RUNX2: variants seen among roughly 807,000 people sequenced by gnomAD.
RUNX2 encodes the protein RUNX family transcription factor 2.
RUNX2 carries 10 observed loss-of-function variants against 51.7 expected under a neutral mutation model. That is an observed-to-expected ratio of 0.19 (90% CI 0.12 to 0.33). The LOEUF (loss-of-function observed/expected upper bound fraction) is 0.33. Among genes scored for constraint, RUNX2 ranks in the 10% least tolerant of loss-of-function variants. RUNX2 has a pLI of 1.00. For missense variants in RUNX2, 562 were observed against 691.3 expected, an observed-to-expected ratio of 0.81 and a Z score of 2.10; for synonymous variants, 276 against 273.6, an observed-to-expected ratio of 1.01 and a Z score of -0.09.
intron 3 of RUNX2, among the ~76,000 whole-genome samples, chr6:45,429,202 A>G (rs1474005199): frequency 6.6e-6 from 1 of 152,138 alleles, no homozygotes; most frequent in Non-Finnish European, 1.5e-5. Context: ...GTGGGGAAAA[A>G]GTGGAGCCTC....
At chr6:45,356,886 C>A (rs1393728101) in intron 2 of RUNX2, among the ~76,000 whole-genome samples, 1 of 152,160 alleles carries the variant, frequency 6.6e-6, no homozygotes, top group East Asian at 1.9e-4. Flanking sequence ...ATTACACTCA[C>A]CTTTTTTAAT....
intron 5 of RUNX2, 53 bp downstream of exon 5, chr6:45,438,104 T>A: frequency 8.6e-7 from 1 of 1,163,000 alleles, no homozygotes; most frequent in Non-Finnish European, 1.3e-6. Context: ...AGAGACCCTA[T>A]GAGGAATTTA....
At chr6:45,528,887 T>C (rs1385260878) in intron 7 of RUNX2, among the ~76,000 whole-genome samples, 1 of 152,262 alleles carries the variant, frequency 6.6e-6, no homozygotes, top group Middle Eastern at 3.4e-3. Context: ...GACTGAGAAA[T>C]TGGGGCTTAT....
intron 6 of RUNX2, among the ~76,000 whole-genome samples, chr6:45,506,619 T>TA (rs1800975662): frequency 6.6e-6 from 1 of 152,268 alleles, no homozygotes; most frequent in South Asian, 2.1e-4. Flanking sequence ...TTATAGTTTT[T>TA]AAAAAAACAT....
intron 2 of RUNX2, chr6:45,365,318 A>C (rs1794940923): frequency 6.4e-7 from 1 of 1,565,552 alleles, no homozygotes; most frequent in South Asian, 1.1e-5. Context: ...AAAAAGGAGA[A>C]ATAAAGCTTA....
intron 2 of RUNX2, chr6:45,378,075 G>C (rs1797076028): frequency 6.6e-6 from 1 of 152,174 alleles, no homozygotes; most frequent in Non-Finnish European, 1.5e-5. Flanking sequence ...GGTGGCGCGC[G>C]CTCTCCCAGC....
At chr6:45,485,697 G>GTGTGTATATA (rs1219072282) in intron 5 of RUNX2, among the ~76,000 whole-genome samples, 2 of 104,032 alleles carry the variant, frequency 1.9e-5, no homozygotes, top group African/African-American at 7.6e-5. Flanking sequence ...GTGTGTGTGT[G>GTGTGTATATA]TATATATATA....
intron 2 of RUNX2, among the ~76,000 whole-genome samples, chr6:45,339,844 T>C (rs1421883303): frequency 5.3e-5 from 8 of 152,208 alleles, no homozygotes; most frequent in Non-Finnish European, 8.8e-5. Context: ...TATACCTTAA[T>C]TGAAACTGTA....
intron 5 of RUNX2, among the ~76,000 whole-genome samples, chr6:45,478,162 T>G (rs927733741): frequency 2.1e-4 from 32 of 152,228 alleles, no homozygotes; most frequent in African/African-American, 7.2e-4. Flanking sequence ...CTTTGGCTCC[T>G]CTTTGGTTTC....
At chr6:45,376,866 C>CACAG in intron 2 of RUNX2, among the ~76,000 whole-genome samples, 1 of 152,166 alleles carries the variant, frequency 6.6e-6, no homozygotes, top group African/African-American at 2.4e-5. Context: ...TACATATATA[C>CACAG]ACATACATAT....
chr6:45,547,630 A>T lies in RUNX2; in HGVS notation c.*325A>T, dbSNP rs180855207. On this transcript the variant is annotated 3_prime_UTR_variant, in exon 9 of 9. Transcript: ENST00000647337. Reference sequence around the variant, plus strand: ...GTCTGTTATCATCAATAACCTGTTCATATGCCAATTCAGAGAGGTGGACTC... The same window carrying T: ...GTCTGTTATCATCAATAACCTGTTCTTATGCCAATTCAGAGAGGTGGACTC... 90 of 354,536 alleles carry T rather than the reference A, an allele frequency of 2.5e-4. 1 individual carries two copies. Among genetic ancestry groups the T allele is most frequent in the Non-Finnish European group, 3.8e-5 (7 of 186,278 alleles). 22.0% of individuals were successfully genotyped at this position (354,536 alleles called of 1,614,324 possible).
At chr6:45,539,794 T>C (rs1416583149) in intron 7 of RUNX2, among the ~76,000 whole-genome samples, 1 of 152,192 alleles carries the variant, frequency 6.6e-6, no homozygotes, top group African/African-American at 2.4e-5. Flanking sequence ...TACTATAAGG[T>C]AGGATCTGGA....
chr6:45,372,623 T>C (rs1796242326), intron 2 of RUNX2, among the ~76,000 whole-genome samples: 1 of 152,222 alleles, frequency 6.6e-6, no homozygotes, highest in African/African-American at 2.4e-5. Context: ...TTCAACAGCA[T>C]CTTTTCAGTA....
At chr6:45,442,802 G>A (rs1443421504) in intron 5 of RUNX2, among the ~76,000 whole-genome samples, 2 of 152,098 alleles carry the variant, frequency 1.3e-5, no homozygotes, top group African/African-American at 4.8e-5. Context: ...GGCTGGTGCT[G>A]GAACATCCCA....
chr6:45,390,019 A>T (rs1377443613), intron 2 of RUNX2, among the ~76,000 whole-genome samples: 1 of 147,330 alleles, frequency 6.8e-6, no homozygotes, highest in Non-Finnish European at 1.5e-5. Flanking sequence ...AAAAAAAAAA[A>T]GTTATTTCAC....
chr6:45,376,747 C>T (rs1582034565), intron 2 of RUNX2, among the ~76,000 whole-genome samples: 1 of 152,316 alleles, frequency 6.6e-6, no homozygotes, highest in East Asian at 1.9e-4. Flanking sequence ...AGAAATTCCC[C>T]AAGTTTTGTC....
At chr6:45,408,571 C>T (rs1034430595) in intron 2 of RUNX2, among the ~76,000 whole-genome samples, 3 of 151,974 alleles carry the variant, frequency 2.0e-5, no homozygotes, top group African/African-American at 7.2e-5. Flanking sequence ...ATGCCTGTGT[C>T]ATGTAATTTA....
intron 7 of RUNX2, among the ~76,000 whole-genome samples, chr6:45,518,915 C>A (rs900546772): frequency 6.6e-6 from 1 of 152,090 alleles, no homozygotes; most frequent in Non-Finnish European, 1.5e-5. Flanking sequence ...GAAGAGGGGG[C>A]GCAGTTTAAC....
chr6:45,398,302 A>G (rs981454058), intron 2 of RUNX2, among the ~76,000 whole-genome samples: 2 of 152,186 alleles, frequency 1.3e-5, no homozygotes, highest in Admixed American at 1.3e-4. Flanking sequence ...CCTGATCACA[A>G]TAAGTGCTCA....
Sources: allele counts gnomAD v4.1 joint callset (sites outside exome capture counted in the v4.1 genomes callset), GRCh38; gene constraint gnomAD v4.1.1; transcripts MANE v1.5; gene names NCBI Gene and HGNC (gene_info 2026-07-23, HGNC 2026-07-21).